Variants in GPR141 observed in about 807,000 individuals in gnomAD.
GPR141 encodes the protein G protein-coupled receptor 141.
In GPR141, 6 loss-of-function variants were observed where a neutral mutation model predicts 6.8. The observed-to-expected ratio is 0.88, with a 90% CI of 0.48 to 1.74. The LOEUF is 1.74. Ranked by LOEUF, GPR141 falls within the 40% of genes most tolerant of loss-of-function variation. The pLI is 0.01. For synonymous variants in GPR141, 140 were observed against 142.3 expected (o/e 0.98, Z 0.11); for missense variants, 372 against 372.9 (o/e 1.00, Z 0.02).
chr7:37,728,463 T>G (rs925809350), intron 2 of GPR141, among the ~76,000 whole-genome samples: 1 of 152,132 alleles, frequency 6.6e-6, no homozygotes, highest in African/African-American at 2.4e-5. Flanking sequence ...CTAATGAGCA[T>G]TTGGATTATT....
intron 2 of GPR141, among the ~76,000 whole-genome samples, chr7:37,693,760 G>C (rs1809891712): frequency 6.6e-6 from 1 of 152,162 alleles, no homozygotes; most frequent in South Asian, 2.1e-4. Context: ...TCAGACTCTA[G>C]GGGGCTAGTC....
At chr7:37,698,477 G>A (rs1810127168) in intron 2 of GPR141, among the ~76,000 whole-genome samples, 1 of 152,140 alleles carries the variant, frequency 6.6e-6, no homozygotes, top group East Asian at 1.9e-4. Flanking sequence ...GGAAACACAC[G>A]CCATGGGGAA....
chr7:37,705,430 GAA>G (rs899129759), intron 2 of GPR141, among the ~76,000 whole-genome samples: 1 of 152,138 alleles, frequency 6.6e-6, no homozygotes, highest in Non-Finnish European at 1.5e-5. Context: ...CCTCAGTAGA[GAA>G]AGGAAATTCT....
intron 2 of GPR141, among the ~76,000 whole-genome samples, chr7:37,694,871 G>T (rs1015969716): frequency 6.6e-6 from 1 of 152,108 alleles, no homozygotes; most frequent in African/African-American, 2.4e-5. Context: ...TCAACATTAG[G>T]CTTGGAGGGT....
At position 37,740,475 on chromosome 7, in the gene GPR141, C is replaced by A. The variant is rs981243681; in HGVS notation, c.82C>A (p.Leu28Ile). 1.9e-6 allele frequency: 3 copies of A among 1,613,894 alleles called. No individual in the cohort carries two copies. The highest frequency in any genetic ancestry group is 2.7e-5 in the African/African-American group (2 of 74,894). ...PHLISLYFIV[L>I]IGGLVGVISI... Reference sequence around the variant, plus strand: ...CTTAATCAGCCTCTACTTCATAGTGCTTATTGGCGGGCTGGTGGGTGTCAT... The same window carrying A: ...CTTAATCAGCCTCTACTTCATAGTGATTATTGGCGGGCTGGTGGGTGTCAT... The change falls in exon 3 of 3, where the codon CTT becomes ATT. Residue 28 changes from leucine to isoleucine, a missense_variant. By Grantham distance (5) the Leu-to-Ile change is conservative (BLOSUM62 2). Coordinates refer to ENST00000334425, the MANE Select transcript of GPR141 (RefSeq NM_001381946.1).
In GPR141 at chr7:37,743,192, A is replaced by T. The variant is rs1228290096; in HGVS notation, c.*1881A>T. ...AGGGAACTTTTTTTTTCATCAAGGT[A>T]TATCTTCGGGATTTAAAAGTTTTTC... On this transcript the variant is annotated 3_prime_UTR_variant, in exon 3 of 3. Coordinates refer to ENST00000334425, the MANE Select transcript of GPR141 (RefSeq NM_001381946.1). Among the ~76,000 whole-genome samples the T allele has an allele frequency of 6.7e-6, 1 of 149,672 alleles. No homozygotes were observed. The highest frequency in any genetic ancestry group is 2.5e-5 in the African/African-American group (1 of 40,662).
intron 2 of GPR141, among the ~76,000 whole-genome samples, chr7:37,718,957 A>G (rs901420480): frequency 2.0e-5 from 3 of 152,112 alleles, no homozygotes; most frequent in Non-Finnish European, 2.9e-5. Flanking sequence ...GTGTGCGTGT[A>G]TATGTGTTGC....
chr7:37,740,210 T>C (rs1812462313), intron 2 of GPR141, among the ~76,000 whole-genome samples, 170 bp from the exon 3 acceptor site: 1 of 152,248 alleles, frequency 6.6e-6, no homozygotes, highest in African/African-American at 2.4e-5. Context: ...TACTGTGTTT[T>C]AGGTCTAGGG....
At chr7:37,713,525 G>C (rs953303501) in intron 2 of GPR141, 1 of 152,066 alleles carries the variant, frequency 6.6e-6, no homozygotes, top group Non-Finnish European at 1.5e-5. Context: ...AATCTGATTG[G>C]TGTTATTCAG....
intron 2 of GPR141, among the ~76,000 whole-genome samples, chr7:37,698,935 C>G (rs1412793318): frequency 6.6e-6 from 1 of 152,190 alleles, no homozygotes; most frequent in Non-Finnish European, 1.5e-5. Context: ...CTGAGAATGT[C>G]ACAAGTATCT....
chr7:37,722,687 C>G (rs993321082), intron 2 of GPR141, among the ~76,000 whole-genome samples: 36 of 148,634 alleles, frequency 2.4e-4, no homozygotes, highest in Admixed American at 2.0e-4. Context: ...TGCCACTGCA[C>G]TCCAGCCTGG....
At chr7:37,730,066 A>G (rs546208317) in intron 2 of GPR141, 1 of 152,370 alleles carries the variant, frequency 6.6e-6, no homozygotes, top group South Asian at 2.1e-4. Flanking sequence ...GTATAACACC[A>G]GCATCACTGG....
At chr7:37,693,186 G>A (rs1440487207) in intron 2 of GPR141, among the ~76,000 whole-genome samples, 1 of 152,188 alleles carries the variant, frequency 6.6e-6, no homozygotes, top group African/African-American at 2.4e-5. Context: ...TGTATAAGGT[G>A]TAAGGAAGGG....
At chr7:37,689,494 G>C (rs542891533) in intron 2 of GPR141, among the ~76,000 whole-genome samples, 3 of 152,014 alleles carry the variant, frequency 2.0e-5, no homozygotes, top group African/African-American at 2.4e-5. Flanking sequence ...TGTTTGGTAG[G>C]GTTCAGCAGC....
chr7:37,694,389 C>G (rs970890034), intron 2 of GPR141, among the ~76,000 whole-genome samples: 2 of 152,262 alleles, frequency 1.3e-5, no homozygotes, highest in African/African-American at 4.8e-5. Context: ...AGCAACTTCA[C>G]CAAGGCACCA....
At chr7:37,717,578 C>T (rs1047529203) in intron 2 of GPR141, among the ~76,000 whole-genome samples, 1 of 152,110 alleles carries the variant, frequency 6.6e-6, no homozygotes, top group Non-Finnish European at 1.5e-5. Flanking sequence ...TTCTTTCTCT[C>T]ACCCCCCTTG....
intron 2 of GPR141, among the ~76,000 whole-genome samples, chr7:37,734,978 A>G (rs1812164058): frequency 6.6e-6 from 1 of 152,220 alleles, no homozygotes; most frequent in Non-Finnish European, 1.5e-5. Context: ...AAGTTAGGGA[A>G]CTAATCTTTG....
intron 2 of GPR141, among the ~76,000 whole-genome samples, chr7:37,737,061 A>C (rs958678750): frequency 2.6e-5 from 4 of 152,168 alleles, no homozygotes; most frequent in African/African-American, 9.7e-5. Context: ...CAAAATTTCT[A>C]TTTACAACAC....
intron 2 of GPR141, among the ~76,000 whole-genome samples, chr7:37,730,702 C>T (rs1208643292): frequency 6.6e-6 from 1 of 152,254 alleles, no homozygotes; most frequent in East Asian, 1.9e-4. Context: ...TGTCTCATAC[C>T]TGGCAGGCTC....
Sources: allele counts gnomAD v4.1 joint callset (sites outside exome capture counted in the v4.1 genomes callset), GRCh38; gene constraint gnomAD v4.1.1; transcripts MANE v1.5; gene names NCBI Gene and HGNC (gene_info 2026-07-23, HGNC 2026-07-21).